The following RBMS3 variants were observed in gnomAD, a reference collection of about 807,000 sequenced individuals.
RBMS3 encodes the protein RNA binding motif single stranded interacting protein 3.
Under a neutral mutation model 66.8 loss-of-function variants are expected in RBMS3, and 27 were observed. That is an observed-to-expected ratio of 0.40 (90% CI 0.30 to 0.56). The LOEUF (loss-of-function observed/expected upper bound fraction) is 0.56, where lower values mean the gene tolerates loss of function less well. Among genes scored for constraint, RBMS3 ranks in the 20% least tolerant of loss-of-function variants. RBMS3 has a pLI of 0.40. For synonymous variants in RBMS3, 188 were observed against 183.0 expected (o/e 1.03, Z -0.22); for missense variants, 513 against 549.5 (o/e 0.93, Z 0.66).
chr3:29,520,078 T>C (rs1437034794), intron 3 of RBMS3, among the ~76,000 whole-genome samples: 1 of 152,206 alleles, frequency 6.6e-6, no homozygotes, highest in East Asian at 1.9e-4. Flanking sequence ...TTGCTAAATC[T>C]GGCAACCTAG....
At chr3:29,746,514 C>G (rs2054900421) in intron 5 of RBMS3, among the ~76,000 whole-genome samples, 1 of 152,180 alleles carries the variant, frequency 6.6e-6, no homozygotes. Context: ...TAATTGCCAT[C>G]AGATGTGGTC....
intron 10 of RBMS3, among the ~76,000 whole-genome samples, chr3:29,919,082 GT>G (rs2060707235): frequency 6.6e-6 from 1 of 152,046 alleles, no homozygotes; most frequent in Non-Finnish European, 1.5e-5. Flanking sequence ...CTTTTAAAGA[GT>G]TTTTCCTGAT....
intron 14 of RBMS3, among the ~76,000 whole-genome samples, chr3:29,992,696 G>C (rs1451625988): frequency 6.6e-6 from 1 of 152,168 alleles, no homozygotes; most frequent in Non-Finnish European, 1.5e-5. Flanking sequence ...GGGATCTGTA[G>C]CCAACAAGCC....
Position 29,472,094 on chromosome 3 carries a change from T to C in RBMS3, c.249-16347T>C, listed in dbSNP as rs576319258. Among the ~76,000 whole-genome samples, 18 of 152,240 alleles carry C rather than the reference T, an allele frequency of 1.2e-4. No individual in the cohort carries two copies. The East Asian group carries it at 2.3e-3, about 20-fold the overall frequency. Reference sequence around the variant, plus strand: ...GAAAATTGTACTAATCGTCAGTGTATAGTTTGTATTTTCACAAACTGAACA... The same window carrying C: ...GAAAATTGTACTAATCGTCAGTGTACAGTTTGTATTTTCACAAACTGAACA... On this transcript the variant is annotated intron_variant, in intron 2 of 14. Transcript: ENST00000383767.
At chr3:29,368,583 A>C (rs1455072760) in intron 1 of RBMS3, among the ~76,000 whole-genome samples, 1 of 152,088 alleles carries the variant, frequency 6.6e-6, no homozygotes, top group Non-Finnish European at 1.5e-5. Context: ...AAAGGTCTTC[A>C]CTTTCAGTTT....
chr3:29,849,263 C>T (rs931826057), intron 6 of RBMS3, among the ~76,000 whole-genome samples: 4 of 151,462 alleles, frequency 2.6e-5, no homozygotes, highest in Non-Finnish European at 5.9e-5. Flanking sequence ...CACCTGTAAT[C>T]CCAGGACTTT....
At chr3:29,818,411 A>C (rs1319328662) in intron 6 of RBMS3, among the ~76,000 whole-genome samples, 1 of 151,416 alleles carries the variant, frequency 6.6e-6, no homozygotes, top group Non-Finnish European at 1.5e-5. Context: ...ATTAGTTCTC[A>C]ATAATTTATA....
intron 6 of RBMS3, among the ~76,000 whole-genome samples, chr3:29,841,619 C>T (rs2058665962): frequency 6.6e-6 from 1 of 151,912 alleles, no homozygotes; most frequent in Non-Finnish European, 1.5e-5. Flanking sequence ...TAGGTATTAG[C>T]TGAATGAATG....
At chr3:29,546,219 C>A (rs562440622) in intron 3 of RBMS3, among the ~76,000 whole-genome samples, 12 of 151,304 alleles carry the variant, frequency 7.9e-5, no homozygotes, top group Non-Finnish European at 1.5e-4. Context: ...CTCATTTAAT[C>A]TTCATGACAA....
At chr3:29,619,526 C>T (rs1297232340) in intron 4 of RBMS3, among the ~76,000 whole-genome samples, 1 of 152,090 alleles carries the variant, frequency 6.6e-6, no homozygotes, top group Admixed American at 6.5e-5. Context: ...ACCAGATGGG[C>T]AATGTGGCAA....
At chr3:29,471,468 C>T (rs1391768932) in intron 2 of RBMS3, among the ~76,000 whole-genome samples, 4 of 152,104 alleles carry the variant, frequency 2.6e-5, no homozygotes, top group Non-Finnish European at 5.9e-5. Context: ...TTAAGACAAG[C>T]GAACAAGAGG....
chr3:29,919,782 T>A (rs541127486), intron 10 of RBMS3, among the ~76,000 whole-genome samples: 1 of 152,364 alleles, frequency 6.6e-6, no homozygotes, highest in South Asian at 2.1e-4. Flanking sequence ...TGCATAATGC[T>A]GTCACTGCCT....
At chr3:29,584,215 C>T (rs2047431157) in intron 3 of RBMS3, among the ~76,000 whole-genome samples, 1 of 152,068 alleles carries the variant, frequency 6.6e-6, no homozygotes, top group African/African-American at 2.4e-5. Flanking sequence ...TTGATCTCTC[C>T]CTCCTCAGAA....
At chr3:29,348,264 G>A (rs2036696052) in intron 1 of RBMS3, among the ~76,000 whole-genome samples, 1 of 152,098 alleles carries the variant, frequency 6.6e-6, no homozygotes, top group Non-Finnish European at 1.5e-5. Context: ...TGTCATTTAA[G>A]CTGTTAAGGC....
chr3:29,499,604 T>C (rs73828683), intron 3 of RBMS3, among the ~76,000 whole-genome samples: 20,093 of 152,172 alleles, frequency 0.13, 1,966 homozygotes, highest in African/African-American at 0.27. Flanking sequence ...TTTCATTTAA[T>C]TTCTACTTCT....
rs1329197544 is a variant in RBMS3, at chr3:29,522,192, T to TTTTTG, written c.307+33707_307+33711dup. 3.3e-5 allele frequency among the ~76,000 whole-genome samples: 5 copies of TTTTTG among 151,986 alleles called. No individual in the cohort carries two copies. The East Asian group carries it at 9.7e-4, about 30-fold the overall frequency. On this transcript the variant is annotated intron_variant, in intron 3 of 14. Transcript: ENST00000383767. ...AACAGGGAACACTGGCCCACCTAGT[T>TTTTTG]TTTTGTTTTGTTTTGTTTGAGACAG...
At chr3:29,306,550 A>G (rs1034050100) in intron 1 of RBMS3, among the ~76,000 whole-genome samples, 2 of 152,000 alleles carry the variant, frequency 1.3e-5, no homozygotes, top group African/African-American at 4.8e-5. Context: ...TTGGACAATA[A>G]TAAGATAAAG....
chr3:29,586,978 TA>T, intron 3 of RBMS3, 135 bp from the exon 4 acceptor site: 1 of 591,040 alleles, frequency 1.7e-6, no homozygotes. Flanking sequence ...ACCACTAATC[TA>T]AGAGCCTAAT....
chr3:29,620,103 G>A (rs1225361881), intron 4 of RBMS3, among the ~76,000 whole-genome samples: 1 of 152,086 alleles, frequency 6.6e-6, no homozygotes, highest in African/African-American at 2.4e-5. Context: ...GGTGAGGATA[G>A]CTTACAGTTC....
Sources: gnomAD v4.1 joint callset for allele counts (sites outside exome capture counted in the v4.1 genomes callset) on GRCh38, gnomAD v4.1.1 for gene constraint, MANE v1.5 for transcripts, NCBI Gene and HGNC (gene_info 2026-07-23, HGNC 2026-07-21) for gene names.